Variants in RABGEF1 observed in about 807,000 individuals in gnomAD.
The protein encoded by RABGEF1 is rab5 GDP/GTP exchange factor.
A neutral mutation model predicts 57.3 loss-of-function variants in RABGEF1; 26 were observed. That is an observed-to-expected ratio of 0.45 (90% CI 0.33 to 0.63). The LOEUF is 0.63. Ranked by LOEUF, RABGEF1 falls within the 20% of genes least tolerant of loss-of-function variation. RABGEF1 has a pLI of 0.02. For synonymous variants in RABGEF1, 185 were observed against 210.7 expected, an observed-to-expected ratio of 0.88 and a Z score of 1.06; for missense variants, 464 against 607.6, an observed-to-expected ratio of 0.76 and a Z score of 2.48.
chr7:66,725,507 A>G (rs1180334349), intron 2 of RABGEF1, among the ~76,000 whole-genome samples: 3 of 152,196 alleles, frequency 2.0e-5, no homozygotes, highest in Non-Finnish European at 2.9e-5. Flanking sequence ...ATGTTGTGGC[A>G]TGTATCAGTT....
intron 2 of RABGEF1, among the ~76,000 whole-genome samples, chr7:66,728,734 A>C (rs1584977353): frequency 6.6e-6 from 1 of 151,238 alleles, no homozygotes; most frequent in African/African-American, 2.4e-5. Context: ...CTCCACCTTC[A>C]CCTCCATCCT....
At chr7:66,694,999 G>A (rs781111078) in intron 1 of RABGEF1, among the ~76,000 whole-genome samples, 66 of 152,260 alleles carry the variant, frequency 4.3e-4, no homozygotes, top group Middle Eastern at 3.4e-3. Context: ...GCCACAGGGT[G>A]GAGGAATGGC....
intron 1 of RABGEF1, among the ~76,000 whole-genome samples, chr7:66,758,766 C>T (rs750411217): frequency 4.6e-5 from 7 of 152,124 alleles, no homozygotes; most frequent in Non-Finnish European, 7.3e-5. Context: ...TTGGTGGTAC[C>T]CTTGCTCTCT....
chr7:66,722,121 C>T (rs1465499416), intron 2 of RABGEF1, among the ~76,000 whole-genome samples: 3 of 152,086 alleles, frequency 2.0e-5, no homozygotes, highest in African/African-American at 4.8e-5. Flanking sequence ...TGTTTCACTG[C>T]ACTTCATCCT....
At chr7:66,656,757 T>G in the RABGEF1 span, among the ~76,000 whole-genome samples, 2 of 140,528 alleles carry the variant, frequency 1.4e-5, no homozygotes, top group African/African-American at 5.4e-5. Flanking sequence ...GAGACAGAGG[T>G]TGTGGGGAGT....
At chr7:66,688,547 G>A (rs1791055263) in intron 1 of RABGEF1, among the ~76,000 whole-genome samples, 1 of 152,184 alleles carries the variant, frequency 6.6e-6, no homozygotes, top group South Asian at 2.1e-4. Flanking sequence ...AAGATTGAAA[G>A]TATCCAAAGT....
intron 1 of RABGEF1, among the ~76,000 whole-genome samples, chr7:66,693,034 A>G (rs1275699044): frequency 6.6e-6 from 1 of 152,086 alleles, no homozygotes; most frequent in African/African-American, 2.4e-5. Context: ...CTAGCGGGGG[A>G]AAAAAGCAGT....
At chr7:66,707,485 C>T (rs761916837) in intron 1 of RABGEF1, among the ~76,000 whole-genome samples, 4 of 152,122 alleles carry the variant, frequency 2.6e-5, no homozygotes, top group Non-Finnish European at 4.4e-5. Flanking sequence ...CTCAGGAGTT[C>T]GAGACCAGCC....
Position 66,805,355 on chromosome 7 carries a change from C to A in RABGEF1, c.1036C>A (p.Arg346=), listed in dbSNP as rs1469952737. Residue 346 remains arginine, a synonymous_variant, in exon 8 of 9, where the codon CGA becomes AGA. Transcript: ENST00000284957. ...QYITRFCNPS[R]LMTGEDGYYF... Reference sequence around the variant, plus strand: ...TATCACGCGCTTCTGCAATCCAAGCCGACTGATGACTGGAGAGGATGGCTA... The same window carrying A: ...TATCACGCGCTTCTGCAATCCAAGCAGACTGATGACTGGAGAGGATGGCTA... The A allele has an allele frequency of 3.1e-6, 5 of 1,614,070 alleles. No homozygotes were observed. Among genetic ancestry groups the A allele is most frequent in the Non-Finnish European group, 4.2e-6 (5 of 1,180,046 alleles).
intron 2 of RABGEF1, among the ~76,000 whole-genome samples, chr7:66,729,323 C>T (rs1797030721): frequency 5.3e-5 from 1 of 18,908 alleles, no homozygotes; most frequent in Middle Eastern, 0.02. Flanking sequence ...CGTTCCTCAT[C>T]TCCATCCTCC....
intron 2 of RABGEF1, chr7:66,773,913 G>A (rs1294332922): frequency 1.9e-5 from 8 of 410,880 alleles, no homozygotes; most frequent in Admixed American, 1.1e-4. Flanking sequence ...TGATCCGGCC[G>A]CCTTGGCCTC....
upstream of RABGEF1, among the ~76,000 whole-genome samples, chr7:66,680,967 C>T (rs900871330): frequency 1.3e-5 from 2 of 152,040 alleles, no homozygotes; most frequent in Non-Finnish European, 2.9e-5. Flanking sequence ...CCTATAATTC[C>T]GGCTACTCGA....
At chr7:66,771,661 G>A (rs1011579194) in intron 1 of RABGEF1, among the ~76,000 whole-genome samples, 17 of 151,386 alleles carry the variant, frequency 1.1e-4, no homozygotes, top group African/African-American at 3.6e-4. Flanking sequence ...TTTATTTTGG[G>A]CAGGGAATAA....
intron 1 of RABGEF1, among the ~76,000 whole-genome samples, chr7:66,691,470 T>C (rs1271056861): frequency 3.3e-5 from 5 of 152,076 alleles, no homozygotes; most frequent in African/African-American, 1.2e-4. Flanking sequence ...TGAATGAGTG[T>C]CAAAAAATAT....
chr7:66,788,736 T>C (rs569776410), intron 4 of RABGEF1, among the ~76,000 whole-genome samples: 236 of 152,238 alleles, frequency 1.6e-3, no homozygotes, highest in African/African-American at 5.5e-3. Context: ...CCTAGCACTT[T>C]GGGAAGCCAA....
chr7:66,755,141 A>T lies in RABGEF1; in HGVS notation c.-18+14349A>T, dbSNP rs2129069703. ...AACCTGGTCTCTACTAAAAATACAA[A>T]AAATTAGCTGGGCGTGGTGGCAGGT... On this transcript the variant is annotated intron_variant, in intron 1 of 8. Coordinates refer to ENST00000284957, the MANE Select transcript of RABGEF1 (RefSeq NM_014504.3). Among the ~76,000 whole-genome samples the T allele has an allele frequency of 2.6e-5, 4 of 152,244 alleles. 1 individual carries two copies. The South Asian group carries it at 8.3e-4, about 32-fold the overall frequency.
chr7:66,687,977 C>T (rs539001722), intron 1 of RABGEF1, among the ~76,000 whole-genome samples: 19 of 150,158 alleles, frequency 1.3e-4, no homozygotes, highest in South Asian at 6.3e-4. Context: ...CCCAGCTACA[C>T]GGTAGGCTGA....
At chr7:66,657,919 C>T in the RABGEF1 span, among the ~76,000 whole-genome samples, 1 of 152,014 alleles carries the variant, frequency 6.6e-6, no homozygotes, top group Non-Finnish European at 1.5e-5. Flanking sequence ...AGAGCTAACC[C>T]CAACCTAGCA....
the RABGEF1 span, among the ~76,000 whole-genome samples, chr7:66,671,001 A>C: frequency 6.6e-6 from 1 of 151,746 alleles, no homozygotes; most frequent in Non-Finnish European, 1.5e-5. Flanking sequence ...ATGTATCTAT[A>C]TATATCTATA....
Sources: gnomAD v4.1 joint callset for allele counts (sites outside exome capture counted in the v4.1 genomes callset) on GRCh38, gnomAD v4.1.1 for gene constraint, MANE v1.5 for transcripts, NCBI Gene and HGNC (gene_info 2026-07-23, HGNC 2026-07-21) for gene names.